The following TUBGCP3 variants were observed in gnomAD, a reference collection of about 807,000 sequenced individuals.
TUBGCP3 encodes the protein gamma-tubulin complex component 3.
TUBGCP3 carries 50 observed loss-of-function variants against 123.1 expected under a neutral mutation model. The ratio of observed to expected loss-of-function variants is 0.41; its 90% CI spans 0.32 to 0.51. The LOEUF is 0.51. Among genes scored for constraint, TUBGCP3 ranks in the 20% least tolerant of loss-of-function variants. The probability of loss-of-function intolerance (pLI) is 0.36; values close to 1 mark genes in which losing one functional copy is unlikely to be tolerated. For synonymous variants in TUBGCP3, 405 were observed against 413.9 expected (o/e 0.98, Z 0.26); for missense variants, 882 against 1,127.0 (o/e 0.78, Z 3.11).
At chr13:112,599,940 C>A in the TUBGCP3 span, among the ~76,000 whole-genome samples, 1 of 152,230 alleles carries the variant, frequency 6.6e-6, no homozygotes, top group African/African-American at 2.4e-5. Flanking sequence ...CCACCCCCTG[C>A]AGCTTTCTCC....
intron 1 of TUBGCP3, among the ~76,000 whole-genome samples, chr13:112,573,800 C>A (rs1052969633): frequency 6.6e-6 from 1 of 152,194 alleles, no homozygotes; most frequent in African/African-American, 2.4e-5. Flanking sequence ...ACCTCCAGAT[C>A]CCCCCACCCC....
At chr13:112,569,027 ATT>A in intron 2 of TUBGCP3, 123 bp downstream of exon 2, 2 of 780,080 alleles carry the variant, frequency 2.6e-6, no homozygotes, top group Non-Finnish European at 4.1e-6. Context: ...ACTTGTCCTT[ATT>A]TTGTACCAAT....
intron 20 of TUBGCP3, chr13:112,498,693 C>A: frequency 7.3e-7 from 1 of 1,372,758 alleles, no homozygotes; most frequent in Non-Finnish European, 9.7e-7. Flanking sequence ...GCATGGTGCA[C>A]GATCCACAAG....
At chr13:112,603,639 T>A in the TUBGCP3 span, 1 of 152,212 alleles carries the variant, frequency 6.6e-6, no homozygotes, top group East Asian at 1.9e-4. Flanking sequence ...GGCAGGAGAA[T>A]TGCTTGAACC....
Position 112,587,996 on chromosome 13 carries a change from T to C in TUBGCP3, c.-16A>G. The C allele has an allele frequency of 1.3e-6, 2 of 1,526,202 alleles. No individual in the cohort carries two copies. The highest frequency in any genetic ancestry group is 2.4e-5 in the South Asian group (2 of 81,742). The allele number at this position is 1,526,202 out of a possible 1,614,324, so 94.5% of individuals were successfully genotyped here. A position where few individuals can be genotyped will look rare whatever the true frequency, so the allele number is the denominator to read the frequency against. On this transcript the variant is annotated 5_prime_UTR_variant, in exon 1 of 22. Coordinates refer to ENST00000261965, the MANE Select transcript of TUBGCP3 (RefSeq NM_006322.6). Reference sequence around the variant, plus strand: ...GGGTCGCCATCCTCGCCCGGAGCCGTGCACGGTGGTCCGGGCAGAGCCGCC... The same window carrying C: ...GGGTCGCCATCCTCGCCCGGAGCCGCGCACGGTGGTCCGGGCAGAGCCGCC...
upstream of TUBGCP3, chr13:112,588,299 T>C (rs1459116222): frequency 8.2e-6 from 2 of 242,934 alleles, no homozygotes; most frequent in Non-Finnish European, 1.6e-5. Flanking sequence ...CCCGAGGCCC[T>C]CGAGCTGCGC....
rs747954435 is a variant in TUBGCP3, at chr13:112,508,350, G to A, written c.2087-3636C>T. ...TCCAACAAACAAAGCGTCTAACTTCGTTAGAAGTTTTGACTTTGATTTTGC... is the reference window on the plus strand; with the variant it reads ...TCCAACAAACAAAGCGTCTAACTTCATTAGAAGTTTTGACTTTGATTTTGC... On this transcript the variant is annotated intron_variant, in intron 17 of 21. Transcript: ENST00000261965. This position sits in a 1 kb window ranked among gnomAD's most constrained non-coding sequence, Gnocchi z 4.2. Among the ~76,000 whole-genome samples, 10 of 152,100 alleles carry A rather than the reference G, an allele frequency of 6.6e-5. No individual in the cohort carries two copies. Among genetic ancestry groups the A allele is most frequent in the African/African-American group, 1.9e-4 (8 of 41,424 alleles).
intron 8 of TUBGCP3, among the ~76,000 whole-genome samples, chr13:112,549,817 T>C (rs1879405035): frequency 6.6e-6 from 1 of 151,566 alleles, no homozygotes; most frequent in Non-Finnish European, 1.5e-5. Flanking sequence ...GTGAGACCCC[T>C]GTCTCTACTA....
intron 14 of TUBGCP3, among the ~76,000 whole-genome samples, chr13:112,520,465 G>C (rs1014246095): frequency 3.2e-4 from 49 of 152,042 alleles, no homozygotes; most frequent in African/African-American, 7.3e-5. Context: ...GGAAGCAGAG[G>C]TTGCAGTGAG....
chr13:112,509,896 T>C (rs1412018979), intron 17 of TUBGCP3, among the ~76,000 whole-genome samples: 1 of 152,204 alleles, frequency 6.6e-6, no homozygotes, highest in Admixed American at 6.5e-5. Context: ...TCCTAAAAAA[T>C]TCCATTTACA....
Position 112,507,835 on chromosome 13 carries a change from T to C in TUBGCP3, c.2087-3121A>G, listed in dbSNP as rs537725944. 7.0e-4 allele frequency among the ~76,000 whole-genome samples: 107 copies of C among 152,342 alleles called. 1 individual carries two copies. Among genetic ancestry groups the C allele is most frequent in the African/African-American group, 2.4e-3 (98 of 41,588 alleles). ...GGCTTCAAATCAGTCTGAAAGTAGA[T>C]ACACAGTGATTAGTGATTAAATCAC... On this transcript the variant is annotated intron_variant, in intron 17 of 21. Transcript: ENST00000261965.
Position 112,522,424 on chromosome 13 carries a change from A to T in TUBGCP3, c.1641T>A (p.Asp547Glu). The change falls in exon 14 of 22, where the codon GAT (aspartate) becomes GAA (glutamate). Residue 547 changes from aspartate to glutamate, a missense_variant. By Grantham distance (45) the Asp-to-Glu change is conservative. This residue lies in a region of TUBGCP3 where 713 missense variants were observed against 874.0 expected (regional missense o/e 0.82). Coordinates refer to ENST00000261965, the MANE Select transcript of TUBGCP3 (RefSeq NM_006322.6). Reference sequence around the variant, plus strand: ...GCAAGCTGTACTTTTTATTGAGAACATCCAACAGGTATTTGCTGGTCTCAA... The same window carrying T: ...GCAAGCTGTACTTTTTATTGAGAACTTCCAACAGGTATTTGCTGGTCTCAA... ...AYFETSKYLL[D>E]VLNKKYSLLD... The T allele has an allele frequency of 6.2e-7, 1 of 1,614,200 alleles. No individual in the cohort carries two copies.
chr13:112,515,689 T>C (rs1196735923), intron 17 of TUBGCP3, among the ~76,000 whole-genome samples: 1 of 152,192 alleles, frequency 6.6e-6, no homozygotes, highest in African/African-American at 2.4e-5. Context: ...CTTCCCACTA[T>C]AGTCAAATAT....
intron 13 of TUBGCP3, 89 bp from the exon 14 acceptor site, chr13:112,522,598 G>T: frequency 7.7e-7 from 1 of 1,305,176 alleles, no homozygotes; most frequent in Non-Finnish European, 1.1e-6. Flanking sequence ...CCAGACTCAG[G>T]GCCAACCACT....
intron 3 of TUBGCP3, among the ~76,000 whole-genome samples, chr13:112,563,066 C>T (rs774359597): frequency 1.3e-5 from 2 of 152,190 alleles, no homozygotes; most frequent in Non-Finnish European, 2.9e-5. Context: ...CCACCCTCCC[C>T]CTTCGGACTT....
Position 112,548,194 on chromosome 13 carries a change from A to G in TUBGCP3, c.967-18T>C, listed in dbSNP as rs755105983. 1.9e-6 allele frequency: 3 copies of G among 1,589,366 alleles called. No homozygotes were observed. The highest frequency in any genetic ancestry group is 2.6e-6 in the Non-Finnish European group (3 of 1,163,496). ...CAAAAGCTCTGTTTGGAGGAGAAAT[A>G]TAATTAAAGCACGACACACTCATTA... On this transcript the variant is annotated intron_variant, in intron 8 of 21. Coordinates refer to ENST00000261965, the MANE Select transcript of TUBGCP3 (RefSeq NM_006322.6).
the TUBGCP3 span, among the ~76,000 whole-genome samples, chr13:112,598,298 A>G: frequency 6.6e-6 from 1 of 151,812 alleles, no homozygotes; most frequent in South Asian, 2.1e-4. Context: ...TAAATGAAAC[A>G]CTAAAGACCA....
At chr13:112,583,994 C>T (rs1331533746) in intron 1 of TUBGCP3, 9 of 152,148 alleles carry the variant, frequency 5.9e-5, no homozygotes, top group Non-Finnish European at 1.3e-4. Flanking sequence ...CTGAGTAAGT[C>T]CCACATTTAG....
In TUBGCP3 at chr13:112,496,982, T is replaced by A. The variant is rs1880571670; in HGVS notation, c.2448+2063A>T. Among the ~76,000 whole-genome samples the A allele has an allele frequency of 5.2e-5, 7 of 133,860 alleles. No homozygotes were observed. In the South Asian group the frequency reaches 1.4e-3, roughly 27 times the overall value. The allele number at this position is 133,860 out of a possible 152,430, so 87.8% of individuals were successfully genotyped here. ...GCCTGGGCGACAAAGTGAGACTCCCTCTCAAAAAAAAAAAAAAAAAATCGG... is the reference window on the plus strand; with the variant it reads ...GCCTGGGCGACAAAGTGAGACTCCCACTCAAAAAAAAAAAAAAAAAATCGG... On this transcript the variant is annotated intron_variant, in intron 20 of 21. Transcript: ENST00000261965.
Sources: allele counts gnomAD v4.1 joint callset (sites outside exome capture counted in the v4.1 genomes callset), GRCh38; gene constraint gnomAD v4.1.1; regional missense constraint gnomAD v4.1.1; non-coding constraint Gnocchi (gnomAD v3.1); transcripts MANE v1.5; gene names NCBI Gene and HGNC (gene_info 2026-07-23, HGNC 2026-07-21).